GCGR: variants seen among roughly 807,000 people sequenced by gnomAD.
GCGR encodes the protein glucagon receptor.
A neutral mutation model predicts 56.1 loss-of-function variants in GCGR; 41 were observed. That is an observed-to-expected ratio of 0.73 (90% confidence interval 0.57 to 0.95). The LOEUF (loss-of-function observed/expected upper bound fraction) is 0.95. Among genes scored for constraint, GCGR ranks in the 40% least tolerant of loss-of-function variants. The pLI is 0.00. For synonymous variants in GCGR, 278 were observed against 271.1 expected (o/e 1.03, Z -0.25); for missense variants, 595 against 638.2 (o/e 0.93, Z 0.73).
rs902274831 is a variant in GCGR at position 81,812,319 on chromosome 17, A to G, written c.948+67A>G. On this transcript the variant is annotated intron_variant, in intron 10 of 13. Transcript: ENST00000400723. The surrounding 1 kb of genome is among the most constrained non-coding windows in gnomAD (Gnocchi z 8.5). ...TCCCTTGGCGTCCTGAGGCTGCCCC[A>G]GGAGACAGCAGCATCCTGTCTGAGA... 6.7e-7 allele frequency: 1 copy of G among 1,496,660 alleles called. No homozygotes were observed. The highest frequency in any genetic ancestry group is 9.0e-7 in the Non-Finnish European group (1 of 1,113,098). 92.7% of individuals were successfully genotyped at this position (1,496,660 alleles called of 1,614,324 possible).
chr17:81,810,054 G>C lies in GCGR; in HGVS notation c.163+170G>C. 2.9e-6 allele frequency: 2 copies of C among 682,638 alleles called. No homozygotes were observed. The highest frequency in any genetic ancestry group is 5.4e-6 in the Non-Finnish European group (2 of 373,426). 42.3% of individuals were successfully genotyped at this position (682,638 alleles called of 1,614,324 possible). A position where few individuals can be genotyped will look rare whatever the true frequency, so the allele number is the denominator to read the frequency against. On this transcript the variant is annotated intron_variant, in intron 3 of 13. Transcript: ENST00000400723. This position sits in a 1 kb window ranked among gnomAD's most constrained non-coding sequence, Gnocchi z 4.6. ...GGGCAGGTGAGGTAACGAGGTAACTGAGCCACAGAGCTGGGGACTTGCCTC... is the reference window on the plus strand; with the variant it reads ...GGGCAGGTGAGGTAACGAGGTAACTCAGCCACAGAGCTGGGGACTTGCCTC...
In GCGR at chr17:81,813,029, C is replaced by T; in HGVS notation, c.1190C>T (p.Ala397Val). Residue 397 changes from alanine (A) to valine (V), a missense_variant, in exon 13 of 14, where the codon GCT becomes GTT. Physicochemically the swap from Ala to Val is moderately conservative, Grantham distance 64 (BLOSUM62 0). Transcript: ENST00000400723. The surrounding 1 kb of genome is among the most constrained non-coding windows in gnomAD (Gnocchi z 5.3). ...FLSSFQGLLV[A>V]VLYCFLNKEV... ...CTGTCTCTCCAGGGCCTGCTGGTGGCTGTCCTCTACTGCTTCCTCAACAAG... is the reference window on the plus strand; with the variant it reads ...CTGTCTCTCCAGGGCCTGCTGGTGGTTGTCCTCTACTGCTTCCTCAACAAG... 1 of 1,536,376 alleles carries T rather than the reference C, an allele frequency of 6.5e-7. No homozygotes were observed. Among genetic ancestry groups the T allele is most frequent in the Non-Finnish European group, 8.7e-7 (1 of 1,146,838 alleles).
Position 81,804,553 on chromosome 17 carries a change from C to T in GCGR, c.-178+304C>T, listed in dbSNP as rs986339551. Among the ~76,000 whole-genome samples, 1 of 151,752 alleles carries T rather than the reference C, an allele frequency of 6.6e-6. No homozygotes were observed. Among genetic ancestry groups the T allele is most frequent in the Non-Finnish European group, 1.5e-5 (1 of 67,848 alleles). On this transcript the variant is annotated intron_variant, in intron 1 of 13. Transcript: ENST00000400723. The surrounding 1 kb of genome is among the most constrained non-coding windows in gnomAD (Gnocchi z 8.2). ...TCGCTGGCCGCCTGGCGCCCTGCGG[C>T]GGCCACACTGCAGCGGCCACACTCC...
intron 1 of GCGR, among the ~76,000 whole-genome samples, chr17:81,805,434 G>A (rs1224174726): frequency 6.6e-6 from 1 of 152,202 alleles, no homozygotes; most frequent in Non-Finnish European, 1.5e-5. Flanking sequence ...AGCTGTGGGA[G>A]GGAGGAAGGG....
chr17:81,810,736 C>A lies in GCGR; in HGVS notation c.164-89C>A. 7.8e-7 allele frequency: 1 copy of A among 1,280,362 alleles called. No individual in the cohort carries two copies. Among genetic ancestry groups the A allele is most frequent in the Non-Finnish European group, 1.1e-6 (1 of 915,906 alleles). 79.3% of individuals were successfully genotyped at this position (1,280,362 alleles called of 1,614,324 possible). ...GGGCGAGGTGACGGCCGAGCTCAGG[C>A]TTCCAGAGAGAGGAGAGAGGCCTGC... On this transcript the variant is annotated intron_variant, in intron 3 of 13. Transcript: ENST00000400723. This position sits in a 1 kb window ranked among gnomAD's most constrained non-coding sequence, Gnocchi z 4.6.
In GCGR at chr17:81,804,445, G is replaced by A. The variant is rs1178832536; in HGVS notation, c.-178+196G>A. On this transcript the variant is annotated intron_variant, in intron 1 of 13. Transcript: ENST00000400723. The surrounding 1 kb of genome is among the most constrained non-coding windows in gnomAD (Gnocchi z 8.2). ...CCAACCCCGGCTCGGACACCACCCG[G>A]TCCTGCACCGTCGGGCAGGTCCAGG... Among the ~76,000 whole-genome samples, 3 of 151,760 alleles carry A rather than the reference G, an allele frequency of 2.0e-5. No homozygotes were observed. Among genetic ancestry groups the A allele is most frequent in the Admixed American group, 6.6e-5 (1 of 15,256 alleles).
rs975490328 is a variant in GCGR at position 81,806,937 on chromosome 17, C to T, written c.-177-1905C>T. 6.6e-6 allele frequency among the ~76,000 whole-genome samples: 1 copy of T among 152,122 alleles called. No individual in the cohort carries two copies. Among genetic ancestry groups the T allele is most frequent in the Non-Finnish European group, 1.5e-5 (1 of 68,002 alleles). Reference sequence around the variant, plus strand: ...GTCCCCTGCCCAGAGCCCCAGGTCTCCCCTGCACCCCTGAGCCTGCCCACC... The same window carrying T: ...GTCCCCTGCCCAGAGCCCCAGGTCTTCCCTGCACCCCTGAGCCTGCCCACC... On this transcript the variant is annotated intron_variant, in intron 1 of 13. Transcript: ENST00000400723. The surrounding 1 kb of genome is among the most constrained non-coding windows in gnomAD (Gnocchi z 6.5).
At position 81,813,063 on chromosome 17, in the gene GCGR, T is replaced by A; in HGVS notation, c.1218+6T>A. The stretch of plus-strand genomic sequence containing the variant: ...ACTGCTTCCTCAACAAGGAGGTAGG[T>A]GGGAGTGGGGGCATCTGAGACCATC... On this transcript the variant is annotated splice_donor_region_variant and intron_variant, in intron 13 of 13. Transcript: ENST00000400723. The surrounding 1 kb of genome is among the most constrained non-coding windows in gnomAD (Gnocchi z 5.3). 2.0e-6 allele frequency: 3 copies of A among 1,535,684 alleles called. No homozygotes were observed. The highest frequency in any genetic ancestry group is 2.6e-6 in the Non-Finnish European group (3 of 1,146,728).
rs1486086217 is a variant in GCGR at position 81,813,073 on chromosome 17, G to A, written c.1218+16G>A. The A allele has an allele frequency of 2.6e-6, 4 of 1,535,590 alleles. No individual in the cohort carries two copies. In the South Asian group the frequency reaches 3.6e-5, roughly 14 times the overall value. On this transcript the variant is annotated intron_variant, in intron 13 of 13. Coordinates refer to ENST00000400723, the MANE Select transcript of GCGR (RefSeq NM_000160.5). This position sits in a 1 kb window ranked among gnomAD's most constrained non-coding sequence, Gnocchi z 5.3. ...CAACAAGGAGGTAGGTGGGAGTGGG[G>A]GCATCTGAGACCATCAGCACTGGCC... is the stretch of plus-strand genomic sequence containing the variant.
Position 81,806,029 on chromosome 17 carries a change from C to T in GCGR, c.-178+1780C>T, listed in dbSNP as rs764713651. On this transcript the variant is annotated intron_variant, in intron 1 of 13. Transcript: ENST00000400723. This position sits in a 1 kb window ranked among gnomAD's most constrained non-coding sequence, Gnocchi z 6.5. The stretch of plus-strand genomic sequence containing the variant: ...CTTCTTCCCTTCAGGCTGGTGTCAC[C>T]TTCAGTGATGGGGCAGGGTCCCCAC... Among the ~76,000 whole-genome samples the T allele has an allele frequency of 3.9e-4, 60 of 152,116 alleles. No individual in the cohort carries two copies. Among genetic ancestry groups the T allele is most frequent in the Non-Finnish European group, 7.5e-4 (51 of 67,984 alleles).
chr17:81,808,947 A>G lies in GCGR; in HGVS notation c.-72A>G. ...CAGCTGCCCTCGGAGGAGCGTACAC[A>G]CCCACCAGGACTGCATTGCCCCAGC... On this transcript the variant is annotated 5_prime_UTR_variant, in exon 2 of 14. Coordinates refer to ENST00000400723, the MANE Select transcript of GCGR (RefSeq NM_000160.5). 1.3e-6 allele frequency: 2 copies of G among 1,518,356 alleles called. No homozygotes were observed. Among genetic ancestry groups the G allele is most frequent in the Non-Finnish European group, 1.8e-6 (2 of 1,131,854 alleles). The allele number at this position is 1,518,356 out of a possible 1,614,324, so 94.1% of individuals were successfully genotyped here.
At position 81,812,364 on chromosome 17, in the gene GCGR, A is replaced by C; in HGVS notation, c.948+112A>C. On this transcript the variant is annotated intron_variant, in intron 10 of 13. Transcript: ENST00000400723. The surrounding 1 kb of genome is among the most constrained non-coding windows in gnomAD (Gnocchi z 8.5). ...CTGAGAGCGCTGGGAGGGAGCCGGCACCCAGACAGGACACCAGGACACTGG... is the reference window on the plus strand; with the variant it reads ...CTGAGAGCGCTGGGAGGGAGCCGGCCCCCAGACAGGACACCAGGACACTGG... 1.6e-6 allele frequency: 2 copies of C among 1,274,138 alleles called. No homozygotes were observed. Among genetic ancestry groups the C allele is most frequent in the South Asian group, 1.3e-5 (1 of 76,898 alleles). 78.9% of individuals were successfully genotyped at this position (1,274,138 alleles called of 1,614,324 possible).
rs1390042318 is a variant in GCGR at position 81,810,993 on chromosome 17, T to TC, written c.272-11dup. ...GCCCAGGGTGGGGCTGACCCCAGCC[T>TC]CCCCCCACACCCCCAGTGCAACACC... On this transcript the variant is annotated splice_polypyrimidine_tract_variant and intron_variant, in intron 4 of 13. Transcript: ENST00000400723. This position sits in a 1 kb window ranked among gnomAD's most constrained non-coding sequence, Gnocchi z 4.6. 3 of 1,535,448 alleles carry TC rather than the reference T, an allele frequency of 2.0e-6. No homozygotes were observed. The highest frequency in any genetic ancestry group is 2.6e-6 in the Non-Finnish European group (3 of 1,146,524).
At position 81,808,838 on chromosome 17, in the gene GCGR, C is replaced by T. The variant is rs1203725596; in HGVS notation, c.-177-4C>T. On this transcript the variant is annotated splice_region_variant and splice_polypyrimidine_tract_variant and intron_variant, in intron 1 of 13. Transcript: ENST00000400723. ...CCGGCCCCCAGCTCCCTCTTTATCC[C>T]TAGGACCCTGAGGCTCAGAGGGGCA... 3 of 730,040 alleles carry T rather than the reference C, an allele frequency of 4.1e-6. No individual in the cohort carries two copies. The highest frequency in any genetic ancestry group is 2.7e-5 in the East Asian group (1 of 36,928). 45.2% of individuals were successfully genotyped at this position (730,040 alleles called of 1,614,324 possible).
chr17:81,813,762 G>A lies in GCGR; in HGVS notation c.*73G>A, dbSNP rs1189763468. ...GTCGCTGGACAACCCAGAACTGGAC[G>A]CCCAGCTGAGGCTGGGGGCGGGGGA... is the stretch of plus-strand genomic sequence containing the variant. On this transcript the variant is annotated 3_prime_UTR_variant, in exon 14 of 14. Transcript: ENST00000400723. This position sits in a 1 kb window ranked among gnomAD's most constrained non-coding sequence, Gnocchi z 5.3. 3.3e-5 allele frequency: 46 copies of A among 1,413,980 alleles called. No individual in the cohort carries two copies. In the East Asian group the frequency reaches 6.5e-4, roughly 20 times the overall value. The allele number at this position is 1,413,980 out of a possible 1,614,324, so 87.6% of individuals were successfully genotyped here. A position where few individuals can be genotyped will look rare whatever the true frequency, so the allele number is the denominator to read the frequency against.
In GCGR at chr17:81,813,698, G is replaced by C. The variant is rs1254338630; in HGVS notation, c.*9G>C. ...CTGAGAGCCCCTTCTGAACCCTGCT[G>C]GGACCCCAGCTAGGGCTGGACTCTG... On this transcript the variant is annotated 3_prime_UTR_variant, in exon 14 of 14. Transcript: ENST00000400723. This position sits in a 1 kb window ranked among gnomAD's most constrained non-coding sequence, Gnocchi z 5.3. The C allele has an allele frequency of 7.2e-5, 110 of 1,533,492 alleles. No individual in the cohort carries two copies. Among genetic ancestry groups the C allele is most frequent in the Non-Finnish European group, 8.7e-5 (100 of 1,145,756 alleles). 95.0% of individuals were successfully genotyped at this position (1,533,492 alleles called of 1,614,324 possible).
chr17:81,809,041 G>A lies in GCGR; in HGVS notation c.23G>A (p.Arg8Gln), dbSNP rs773994205. Reference protein sequence around the residue: MPPCQPQRPLLLLLLLLA... With the variant: MPPCQPQQPLLLLLLLLA... ...GGCATGCCCCCCTGCCAGCCACAGC[G>A]ACCCCTGCTGCTGTTGCTGCTGCTG... Residue 8 changes from arginine (R) to glutamine (Q), a missense_variant, in exon 2 of 14, where the codon CGA becomes CAA. Coordinates refer to ENST00000400723, the MANE Select transcript of GCGR (RefSeq NM_000160.5). 3.4e-5 allele frequency: 52 copies of A among 1,536,014 alleles called. No individual in the cohort carries two copies. The highest frequency in any genetic ancestry group is 1.7e-4 in the Middle Eastern group (1 of 5,992).
rs2038093749 is a variant in GCGR, at chr17:81,811,363, G to C, written c.500+35G>C. ...CGCCAGCGCCCGGGGCGGCCGCAGA[G>C]GACAGGGAGGAGGACGGGCGCTGAC... On this transcript the variant is annotated intron_variant, in intron 6 of 13. Coordinates refer to ENST00000400723, the MANE Select transcript of GCGR (RefSeq NM_000160.5). The surrounding 1 kb of genome is among the most constrained non-coding windows in gnomAD (Gnocchi z 5.8). The C allele has an allele frequency of 1.3e-6, 2 of 1,535,598 alleles. No homozygotes were observed. The highest frequency in any genetic ancestry group is 1.7e-6 in the Non-Finnish European group (2 of 1,146,318).
At chr17:81,807,430 G>T (rs1277153970) in intron 1 of GCGR, among the ~76,000 whole-genome samples, 1 of 152,200 alleles carries the variant, frequency 6.6e-6, no homozygotes, top group African/African-American at 2.4e-5. Flanking sequence ...CGTTAGCGGG[G>T]CAGCCCTGGG....
Sources: gnomAD v4.1 joint callset for allele counts (sites outside exome capture counted in the v4.1 genomes callset) on GRCh38, gnomAD v4.1.1 for gene constraint, Gnocchi (gnomAD v3.1) non-coding constraint, MANE v1.5 for transcripts, NCBI Gene and HGNC (gene_info 2026-07-23, HGNC 2026-07-21) for gene names.